WDR88: variants seen among roughly 807,000 people sequenced by gnomAD.
WDR88 encodes WD repeat domain 88.
A neutral mutation model predicts 46.8 loss-of-function variants in WDR88; 40 were observed. That is an observed-to-expected ratio of 0.86 (90% confidence interval 0.66 to 1.11). WDR88 has a LOEUF of 1.11. Among genes scored for constraint, WDR88 ranks in the 50% most tolerant of loss-of-function variants. WDR88 has a pLI of 0.00. For synonymous variants in WDR88, 235 were observed against 240.7 expected (o/e 0.98, Z 0.22); for missense variants, 562 against 602.4 (o/e 0.93, Z 0.70).
chr19:33,175,637 C>T lies in WDR88; in HGVS notation c.*65C>T. The stretch of plus-strand genomic sequence containing the variant: ...CTAGCATGTAGGTTTCGGGGCTTTG[C>T]AGGGGCTTTCTCTTGGGCCCCTCCC... On this transcript the variant is annotated 3_prime_UTR_variant, in exon 11 of 11. Coordinates refer to ENST00000355868, the MANE Select transcript of WDR88 (RefSeq NM_173479.4). 6.3e-7 allele frequency: 1 copy of T among 1,586,300 alleles called. No individual in the cohort carries two copies. Among genetic ancestry groups the T allele is most frequent in the Non-Finnish European group, 8.6e-7 (1 of 1,162,978 alleles).
chr19:33,163,777 C>T (rs151137170), intron 8 of WDR88, among the ~76,000 whole-genome samples: 90 of 151,534 alleles, frequency 5.9e-4, no homozygotes, highest in African/African-American at 1.7e-3. Context: ...GGATTACAGG[C>T]GCATGCCACC....
chr19:33,164,133 T>G, intron 8 of WDR88, 64 bp from the exon 9 acceptor site: 1 of 1,516,488 alleles, frequency 6.6e-7, no homozygotes, highest in Non-Finnish European at 9.2e-7. Flanking sequence ...ACACCCAGCT[T>G]GTTTTTGTTG....
chr19:33,175,751 G>T lies in WDR88; in HGVS notation c.*179G>T. 1.6e-6 allele frequency: 1 copy of T among 634,478 alleles called. No homozygotes were observed. Among genetic ancestry groups the T allele is most frequent in the Non-Finnish European group, 2.7e-6 (1 of 367,742 alleles). 39.3% of individuals were successfully genotyped at this position (634,478 alleles called of 1,614,324 possible). On this transcript the variant is annotated 3_prime_UTR_variant, in exon 11 of 11. Coordinates refer to ENST00000355868, the MANE Select transcript of WDR88 (RefSeq NM_173479.4). The stretch of plus-strand genomic sequence containing the variant: ...ACCTCCTCAGCTCTCAGCTTGGGGA[G>T]TGAACACTTTCCGTTTTCATGCAGA...
In WDR88 at chr19:33,175,527, G is replaced by C. The variant is rs145406953; in HGVS notation, c.1374G>C (p.Ser458=). 1.9e-6 allele frequency: 3 copies of C among 1,614,058 alleles called. No individual in the cohort carries two copies. Among genetic ancestry groups the C allele is most frequent in the African/African-American group, 2.7e-5 (2 of 74,910 alleles). Reference sequence around the variant, plus strand: ...ATACTTCATCGTCATCATCATCATCGGAAAGGGAGAACTCACCGCCGCCAA... The same window carrying C: ...ATACTTCATCGTCATCATCATCATCCGAAAGGGAGAACTCACCGCCGCCAA... ...PADTSSSSSS[S]ERENSPPPRG... Residue 458 remains serine, a synonymous_variant, in exon 11 of 11, where the codon TCG becomes TCC. Transcript: ENST00000355868.
At chr19:33,147,005 AG>A (rs772332145) in intron 3 of WDR88, among the ~76,000 whole-genome samples, 208 of 149,790 alleles carry the variant, frequency 1.4e-3, no homozygotes, top group Middle Eastern at 3.5e-3. Context: ...TGGGAGGCTG[AG>A]GTGGGAGGAT....
At chr19:33,145,013 TTTTTG>T (rs1343047489) in intron 3 of WDR88, 81 bp downstream of exon 3, 15 of 1,390,694 alleles carry the variant, frequency 1.1e-5, no homozygotes, top group Non-Finnish European at 1.3e-5. Context: ...GACATTTTTG[TTTTTG>T]TTTTAAGTAA....
rs747269547 is a variant in WDR88 at position 33,139,413 on chromosome 19, T to C, written c.387+1626T>C. 1.1e-3 allele frequency among the ~76,000 whole-genome samples: 168 copies of C among 152,272 alleles called. 1 individual carries two copies. The highest frequency in any genetic ancestry group is 4.8e-3 in the Admixed American group (74 of 15,300). ...GCTGTGTGGCTGGGGCTGGGACTCATGGGAGAGGACGGTCAGTTGTGAGTT... is the reference window on the plus strand; with the variant it reads ...GCTGTGTGGCTGGGGCTGGGACTCACGGGAGAGGACGGTCAGTTGTGAGTT... On this transcript the variant is annotated intron_variant, in intron 2 of 10. Coordinates refer to ENST00000355868, the MANE Select transcript of WDR88 (RefSeq NM_173479.4).
At chr19:33,174,350 A>T (rs1974090247) in intron 10 of WDR88, 6 of 1,457,082 alleles carry the variant, frequency 4.1e-6, no homozygotes, top group East Asian at 2.5e-5. Flanking sequence ...TGGGCAGAAC[A>T]GCAAAGCCCA....
At chr19:33,163,832 C>G (rs956705836) in intron 8 of WDR88, among the ~76,000 whole-genome samples, 1 of 152,084 alleles carries the variant, frequency 6.6e-6, no homozygotes, top group Admixed American at 6.6e-5. Context: ...TGGGGTTTCA[C>G]TATGTTGCCC....
intron 2 of WDR88, among the ~76,000 whole-genome samples, chr19:33,139,271 G>A (rs1555724092): frequency 6.6e-6 from 1 of 152,250 alleles, no homozygotes; most frequent in Non-Finnish European, 1.5e-5. Flanking sequence ...GGCTCCTGGA[G>A]CCCTTCTGGG....
At chr19:33,151,753 A>G (rs1351955787) in intron 6 of WDR88, among the ~76,000 whole-genome samples, 1 of 152,072 alleles carries the variant, frequency 6.6e-6, no homozygotes, top group Non-Finnish European at 1.5e-5. Context: ...GGTGTCACAC[A>G]CCTGTAGTCC....
At chr19:33,137,901 C>A in intron 2 of WDR88, 114 bp downstream of exon 2, 1 of 848,206 alleles carries the variant, frequency 1.2e-6, no homozygotes, top group Admixed American at 2.8e-5. Context: ...TCCTGGTTTG[C>A]AGGTCTTCTG....
chr19:33,139,509 C>T (rs776665602), intron 2 of WDR88, among the ~76,000 whole-genome samples: 22 of 152,016 alleles, frequency 1.4e-4, no homozygotes, highest in Non-Finnish European at 2.9e-4. Flanking sequence ...GTTTGGGTAA[C>T]GGGGAAGAGG....
intron 5 of WDR88, among the ~76,000 whole-genome samples, chr19:33,150,865 T>A (rs1973619717): frequency 6.6e-6 from 1 of 152,206 alleles, no homozygotes; most frequent in Admixed American, 6.5e-5. Context: ...CCCCTCAGGG[T>A]GGCCAGGCTT....
intron 2 of WDR88, among the ~76,000 whole-genome samples, chr19:33,139,053 C>G (rs1369770793): frequency 6.6e-6 from 1 of 152,148 alleles, no homozygotes; most frequent in East Asian, 1.9e-4. Context: ...CTCTGGGTCT[C>G]CTTCTCATCT....
chr19:33,133,157 G>C (rs1264689393), intron 1 of WDR88, among the ~76,000 whole-genome samples: 3 of 105,718 alleles, frequency 2.8e-5, no homozygotes, highest in Admixed American at 1.0e-4. Context: ...ACTGTCTCCA[G>C]AATAAATAAA....
chr19:33,156,775 T>C (rs1401905020), intron 7 of WDR88, among the ~76,000 whole-genome samples: 1 of 152,156 alleles, frequency 6.6e-6, no homozygotes, highest in Non-Finnish European at 1.5e-5. Context: ...AATCCTGTAA[T>C]GGAAAAGTCC....
chr19:33,136,391 A>G (rs1190512747), intron 1 of WDR88, among the ~76,000 whole-genome samples: 4 of 151,592 alleles, frequency 2.6e-5, no homozygotes, highest in Admixed American at 2.0e-4. Context: ...GGGTTTTGCC[A>G]TGTTGGCCAG....
rs1258339309 is a variant in WDR88, at chr19:33,157,675, GTGTGTA to G, written c.997+1137_997+1142del. The stretch of plus-strand genomic sequence containing the variant: ...TATGTATATATGTATGTATGTGTGT[GTGTGTA>G]TGTATGTATATATATATATATATAT... On this transcript the variant is annotated intron_variant, in intron 7 of 10. Transcript: ENST00000355868. Among the ~76,000 whole-genome samples the G allele has an allele frequency of 3.1e-3, 53 of 17,046 alleles. 1 individual carries two copies. The highest frequency in any genetic ancestry group is 0.01 in the East Asian group (7 of 700). The allele number at this position is 17,046 out of a possible 152,430, so 11.2% of individuals were successfully genotyped here. A position where few individuals can be genotyped will look rare whatever the true frequency, so the allele number is the denominator to read the frequency against.
Sources: gnomAD v4.1 joint callset for allele counts (sites outside exome capture counted in the v4.1 genomes callset) on GRCh38, gnomAD v4.1.1 for gene constraint, MANE v1.5 for transcripts, NCBI Gene and HGNC (gene_info 2026-07-23, HGNC 2026-07-21) for gene names.